ZRANB3: variants seen among roughly 807,000 people sequenced by gnomAD.
ZRANB3 encodes zinc finger RANBP2-type containing 3.
ZRANB3 carries 125 observed loss-of-function variants against 133.8 expected under a neutral mutation model. The ratio of observed to expected loss-of-function variants is 0.93; its 90% CI spans 0.81 to 1.08. The LOEUF is 1.08. Among genes scored for constraint, ZRANB3 ranks in the 50% least tolerant of loss-of-function variants. The pLI is 0.00. For missense variants in ZRANB3, 1,229 were observed against 1,275.5 expected (o/e 0.96, Z 0.56); for synonymous variants, 387 against 432.7 (o/e 0.89, Z 1.31).
chr2:135,473,922 T>C (rs1007890343), intron 2 of ZRANB3, among the ~76,000 whole-genome samples: 4 of 152,176 alleles, frequency 2.6e-5, no homozygotes, highest in African/African-American at 9.6e-5. Context: ...CAGAGGCTCA[T>C]GCTTGTAATT....
intron 2 of ZRANB3, among the ~76,000 whole-genome samples, chr2:135,499,278 C>T (rs552022599): frequency 6.6e-6 from 1 of 152,124 alleles, no homozygotes; most frequent in South Asian, 2.1e-4. Flanking sequence ...CAGTAGTAGA[C>T]AAAGATTTTT....
chr2:135,281,424 T>C (rs930952352), intron 8 of ZRANB3, among the ~76,000 whole-genome samples: 1 of 152,082 alleles, frequency 6.6e-6, no homozygotes, highest in African/African-American at 2.4e-5. Context: ...AACCTAGCAT[T>C]TTCCTTTCCC....
rs76673716 is a variant in ZRANB3, at chr2:135,227,294, A to G, written c.2158+518T>C. Among the ~76,000 whole-genome samples the G allele has an allele frequency of 3.0e-3, 454 of 152,336 alleles. 3 individuals are homozygous for G. Among genetic ancestry groups the G allele is most frequent in the African/African-American group, 0.01 (422 of 41,582 alleles). On this transcript the variant is annotated intron_variant, in intron 14 of 20. Transcript: ENST00000264159. ...AATCAACCAAAAAGTAAACAAACCCAAAACACTGTATGGTTGGCTACAAAT... is the reference window on the plus strand; with the variant it reads ...AATCAACCAAAAAGTAAACAAACCCGAAACACTGTATGGTTGGCTACAAAT...
intron 8 of ZRANB3, 90 bp from the exon 9 acceptor site, chr2:135,275,845 A>T (rs547777118): frequency 1.9e-6 from 2 of 1,069,968 alleles, no homozygotes; most frequent in South Asian, 2.8e-5. Context: ...AAATGGCTTG[A>T]AAATCAGTAA....
At chr2:135,257,277 G>A (rs1178022042) in intron 12 of ZRANB3, among the ~76,000 whole-genome samples, 1 of 152,134 alleles carries the variant, frequency 6.6e-6, no homozygotes, top group East Asian at 1.9e-4. Flanking sequence ...ACCTTCTCTT[G>A]AGGTCTGGAT....
At chr2:135,427,202 A>G (rs573425205) in intron 2 of ZRANB3, among the ~76,000 whole-genome samples, 1 of 151,858 alleles carries the variant, frequency 6.6e-6, no homozygotes, top group Non-Finnish European at 1.5e-5. Flanking sequence ...TAATACTAGA[A>G]GTCCTCGCCA....
intron 2 of ZRANB3, among the ~76,000 whole-genome samples, chr2:135,493,843 T>A (rs72986477): frequency 0.068 from 10,336 of 152,192 alleles, 725 homozygotes; most frequent in African/African-American, 0.18. Flanking sequence ...TCTTTATTCA[T>A]AAGAGCTCTA....
chr2:135,422,188 G>T (rs535943734), intron 2 of ZRANB3, among the ~76,000 whole-genome samples: 1 of 151,826 alleles, frequency 6.6e-6, no homozygotes, highest in South Asian at 2.1e-4. Flanking sequence ...TGACAGCTAC[G>T]TTTTTCTGCT....
chr2:135,278,072 G>A (rs546043014), intron 8 of ZRANB3, among the ~76,000 whole-genome samples: 20 of 151,968 alleles, frequency 1.3e-4, no homozygotes, highest in Admixed American at 2.0e-4. Context: ...AAGAAATAAA[G>A]TTCTACATAA....
intron 1 of ZRANB3, among the ~76,000 whole-genome samples, chr2:135,506,384 C>T (rs948005501): frequency 6.6e-6 from 1 of 151,790 alleles, no homozygotes; most frequent in African/African-American, 2.4e-5. Context: ...AGCAAAACTT[C>T]ATCTCAAAAA....
intron 17 of ZRANB3, 32 bp from the exon 18 acceptor site, chr2:135,209,010 C>G (rs376147360): frequency 6.3e-7 from 1 of 1,587,982 alleles, no homozygotes; most frequent in African/African-American, 1.3e-5. Flanking sequence ...TAGATTCCCT[C>G]TATCTCATAT....
chr2:135,313,880 T>C (rs1268599818), intron 7 of ZRANB3, among the ~76,000 whole-genome samples: 1 of 152,226 alleles, frequency 6.6e-6, no homozygotes, highest in Non-Finnish European at 1.5e-5. Flanking sequence ...TTCTTTTTTT[T>C]TGAGACAGAG....
At chr2:135,372,116 C>A (rs1334660686) in intron 3 of ZRANB3, among the ~76,000 whole-genome samples, 1 of 147,000 alleles carries the variant, frequency 6.8e-6, no homozygotes, top group Non-Finnish European at 1.5e-5. Context: ...TGCAGTGAGC[C>A]AAGATGGTGC....
At chr2:135,436,243 T>G (rs183777103) in intron 2 of ZRANB3, among the ~76,000 whole-genome samples, 117 of 152,272 alleles carry the variant, frequency 7.7e-4, no homozygotes, top group Admixed American at 6.1e-3. Context: ...ACAGGGAGTT[T>G]TTCCCCCATC....
intron 12 of ZRANB3, among the ~76,000 whole-genome samples, chr2:135,235,969 A>G (rs1342396478): frequency 6.6e-6 from 1 of 152,210 alleles, no homozygotes; most frequent in Non-Finnish European, 1.5e-5. Flanking sequence ...AAAAAAGGGC[A>G]TTCAATTAGG....
intron 13 of ZRANB3, 64 bp from the exon 14 acceptor site, chr2:135,228,079 T>C: frequency 7.5e-7 from 1 of 1,324,762 alleles, no homozygotes; most frequent in Non-Finnish European, 1.0e-6. Context: ...GTAAAAAGAA[T>C]GTAACAGTTA....
chr2:135,378,958 T>C (rs1342556485), intron 3 of ZRANB3, among the ~76,000 whole-genome samples: 2 of 152,182 alleles, frequency 1.3e-5, no homozygotes, highest in African/African-American at 4.8e-5. Context: ...ATCCTAGTTT[T>C]ATTTTTATTT....
chr2:135,355,367 T>TC, intron 3 of ZRANB3: 1 of 743,980 alleles, frequency 1.3e-6, no homozygotes, highest in Non-Finnish European at 1.6e-6. Context: ...GATCTTTTTT[T>TC]TTTTTTTTTT....
intron 2 of ZRANB3, among the ~76,000 whole-genome samples, chr2:135,403,525 G>T (rs1393681298): frequency 6.6e-6 from 1 of 152,192 alleles, no homozygotes; most frequent in Non-Finnish European, 1.5e-5. Flanking sequence ...CCACCTCCGG[G>T]GCAGGGCATT....
Sources: allele counts gnomAD v4.1 joint callset (sites outside exome capture counted in the v4.1 genomes callset), GRCh38; gene constraint gnomAD v4.1.1; transcripts MANE v1.5; gene names NCBI Gene and HGNC (gene_info 2026-07-23, HGNC 2026-07-21).